Variants in NEMP2 observed in about 807,000 individuals in gnomAD.
NEMP2 encodes UPF0571 transmembrane protein.
In NEMP2, 53 loss-of-function variants were observed where a neutral mutation model predicts 54.2. That is an observed-to-expected ratio of 0.98 (90% CI 0.78 to 1.23). NEMP2 has a LOEUF of 1.23. Among genes scored for constraint, NEMP2 ranks in the 50% most tolerant of loss-of-function variants. NEMP2 has a pLI of 0.00. For missense variants in NEMP2, 455 were observed against 511.3 expected (o/e 0.89, Z 1.06); for synonymous variants, 197 against 190.3 (o/e 1.04, Z -0.29).
chr2:190,597,427 T>A, the NEMP2 span, among the ~76,000 whole-genome samples: 6 of 152,102 alleles, frequency 3.9e-5, no homozygotes, highest in Admixed American at 2.0e-4. This position sits in a 1 kb window ranked among gnomAD's most constrained non-coding sequence, Gnocchi z 4.7. Context: ...TTAGAGCTTG[T>A]GAATAATAAA....
the NEMP2 span, among the ~76,000 whole-genome samples, chr2:190,456,767 C>T: frequency 1.3e-5 from 2 of 152,256 alleles, no homozygotes; most frequent in African/African-American, 4.8e-5. This position sits in a 1 kb window ranked among gnomAD's most constrained non-coding sequence, Gnocchi z 5.4. Flanking sequence ...CACCCCTCGT[C>T]CTGCCTCAGC....
At chr2:190,551,264 T>C in the NEMP2 span, among the ~76,000 whole-genome samples, 1 of 151,972 alleles carries the variant, frequency 6.6e-6, no homozygotes, top group Non-Finnish European at 1.5e-5. Context: ...TTGTTTTACT[T>C]TTCTTCTTCA....
the NEMP2 span, among the ~76,000 whole-genome samples, chr2:190,473,100 A>C: frequency 6.6e-6 from 1 of 152,332 alleles, no homozygotes; most frequent in East Asian, 1.9e-4. Context: ...TAAACATGGA[A>C]AGGAACAACC....
chr2:190,456,960 A>G, the NEMP2 span, among the ~76,000 whole-genome samples: 1 of 152,164 alleles, frequency 6.6e-6, no homozygotes, highest in African/African-American at 2.4e-5. The surrounding 1 kb of genome is among the most constrained non-coding windows in gnomAD (Gnocchi z 5.4). Flanking sequence ...TGACTCGTCA[A>G]AGTTTAAAAT....
At chr2:190,475,191 C>A in the NEMP2 span, among the ~76,000 whole-genome samples, 1 of 152,140 alleles carries the variant, frequency 6.6e-6, no homozygotes, top group South Asian at 2.1e-4. Flanking sequence ...TCCTATTCAA[C>A]ATAGTGTTGG....
the NEMP2 span, among the ~76,000 whole-genome samples, chr2:190,599,607 CTG>C: frequency 1.5e-3 from 232 of 152,086 alleles, 2 homozygotes; most frequent in African/African-American, 5.2e-3. Flanking sequence ...CTTTTTGATT[CTG>C]TGTCTTTTAC....
chr2:190,586,688 A>G, the NEMP2 span, among the ~76,000 whole-genome samples: 1 of 152,202 alleles, frequency 6.6e-6, no homozygotes, highest in South Asian at 2.1e-4. The surrounding 1 kb of genome is among the most constrained non-coding windows in gnomAD (Gnocchi z 4.5). Flanking sequence ...AGAGGTTTTT[A>G]TCCTAAGCAC....
At chr2:190,429,415 T>TC in the NEMP2 span, among the ~76,000 whole-genome samples, 1 of 151,760 alleles carries the variant, frequency 6.6e-6, no homozygotes, top group African/African-American at 2.4e-5. Context: ...AACCTCCGTC[T>TC]CCTGGGTTCA....
chr2:190,512,260 A>G lies in NEMP2; in HGVS notation c.954-1723T>C, dbSNP rs1179739345. ...TATGAAAAAAATTAAAATGAAAGCA[A>G]TAATATCTCCCTCATCTACTTCATA... On this transcript the variant is annotated intron_variant, in intron 7 of 8. Transcript: ENST00000409150. The surrounding 1 kb of genome is among the most constrained non-coding windows in gnomAD (Gnocchi z 4.5). Among the ~76,000 whole-genome samples, 1 of 152,180 alleles carries G rather than the reference A, an allele frequency of 6.6e-6. No homozygotes were observed. Among genetic ancestry groups the G allele is most frequent in the Non-Finnish European group, 1.5e-5 (1 of 68,036 alleles).
At chr2:190,453,985 T>C in the NEMP2 span, 10 of 152,364 alleles carry the variant, frequency 6.6e-5, no homozygotes, top group South Asian at 1.9e-3. Flanking sequence ...AAGATTCTTG[T>C]ATCTTTTATA....
At chr2:190,634,684 T>C in the NEMP2 span, among the ~76,000 whole-genome samples, 1 of 152,238 alleles carries the variant, frequency 6.6e-6, no homozygotes, top group African/African-American at 2.4e-5. The surrounding 1 kb of genome is among the most constrained non-coding windows in gnomAD (Gnocchi z 6.8). Flanking sequence ...GGCCAACCGT[T>C]GGCTCCTCAT....
chr2:190,638,298 G>A, the NEMP2 span, among the ~76,000 whole-genome samples: 1 of 151,970 alleles, frequency 6.6e-6, no homozygotes, highest in Non-Finnish European at 1.5e-5. The surrounding 1 kb of genome is among the most constrained non-coding windows in gnomAD (Gnocchi z 5.7). Flanking sequence ...CATTCTGCTT[G>A]CAAAATGCCA....
At chr2:190,503,182 C>T (rs1203946383), downstream of NEMP2, among the ~76,000 whole-genome samples, 1 of 152,214 alleles carries the variant, frequency 6.6e-6, no homozygotes, top group Non-Finnish European at 1.5e-5. The surrounding 1 kb of genome is among the most constrained non-coding windows in gnomAD (Gnocchi z 6.3). Context: ...GTACACCAGA[C>T]CCTTTACACT....
chr2:190,543,983 T>G, the NEMP2 span, among the ~76,000 whole-genome samples: 10 of 152,322 alleles, frequency 6.6e-5, no homozygotes, highest in East Asian at 1.7e-3. This position sits in a 1 kb window ranked among gnomAD's most constrained non-coding sequence, Gnocchi z 4.7. Context: ...AGCTTTTAGG[T>G]AGAACATTTA....
the NEMP2 span, among the ~76,000 whole-genome samples, chr2:190,583,860 TAAGTGAAG>T: frequency 2.0e-5 from 3 of 152,240 alleles, no homozygotes; most frequent in Non-Finnish European, 2.9e-5. Context: ...CAATAAATGA[TAAGTGAAG>T]AAGTAGGCCA....
chr2:190,638,285 A>T, the NEMP2 span, among the ~76,000 whole-genome samples: 600 of 152,216 alleles, frequency 3.9e-3, 4 homozygotes, highest in African/African-American at 0.014. The surrounding 1 kb of genome is among the most constrained non-coding windows in gnomAD (Gnocchi z 5.7). Flanking sequence ...TTCTCTGAGT[A>T]TCCATTCTGC....
At chr2:190,648,717 G>A in the NEMP2 span, among the ~76,000 whole-genome samples, 1 of 150,960 alleles carries the variant, frequency 6.6e-6, no homozygotes, top group Non-Finnish European at 1.5e-5. Context: ...TCCCCTCCCC[G>A]CGCCCGGAGC....
At chr2:190,556,029 G>T in the NEMP2 span, among the ~76,000 whole-genome samples, 1 of 152,148 alleles carries the variant, frequency 6.6e-6, no homozygotes, top group Non-Finnish European at 1.5e-5. Flanking sequence ...AACAAAAAAA[G>T]AAAATTTCAG....
At chr2:190,586,338 G>T in the NEMP2 span, among the ~76,000 whole-genome samples, 1 of 151,922 alleles carries the variant, frequency 6.6e-6, no homozygotes, top group Non-Finnish European at 1.5e-5. This position sits in a 1 kb window ranked among gnomAD's most constrained non-coding sequence, Gnocchi z 4.5. Flanking sequence ...TTTTGGTTTT[G>T]TTTTTTGTTT....
Sources: gnomAD v4.1 joint callset for allele counts (sites outside exome capture counted in the v4.1 genomes callset) on GRCh38, gnomAD v4.1.1 for gene constraint, Gnocchi (gnomAD v3.1) non-coding constraint, MANE v1.5 for transcripts, NCBI Gene and HGNC (gene_info 2026-07-23, HGNC 2026-07-21) for gene names.